ZCCHC4: variants seen among roughly 807,000 people sequenced by gnomAD.
ZCCHC4 encodes zinc finger CCHC-type containing 4, also known as rRNA N(6)-adenosine-methyltransferase ZCCHC4.
A neutral mutation model predicts 67.7 loss-of-function variants in ZCCHC4; 54 were observed. That is an observed-to-expected ratio of 0.80 (90% CI 0.64 to 1.00). The LOEUF (loss-of-function observed/expected upper bound fraction) is 1.00, where lower values mean the gene tolerates loss of function less well. ZCCHC4 is among the 50% of genes least tolerant of loss of function. The probability of loss-of-function intolerance (pLI) is 0.00; values close to 1 mark genes in which losing one functional copy is unlikely to be tolerated. For synonymous variants in ZCCHC4, 198 were observed against 213.5 expected, an observed-to-expected ratio of 0.93 and a Z score of 0.63; for missense variants, 609 against 617.0, an observed-to-expected ratio of 0.99 and a Z score of 0.14.
At chr4:25,337,101 C>A (rs187768462) in intron 5 of ZCCHC4, among the ~76,000 whole-genome samples, 2 of 152,186 alleles carry the variant, frequency 1.3e-5, no homozygotes, top group Admixed American at 1.3e-4. Context: ...TCCCTGTATC[C>A]TCCTGCCTTG....
rs1720457656 is a variant in ZCCHC4 at position 25,354,920 on chromosome 4, T to G, written c.1011+3231T>G. Among the ~76,000 whole-genome samples, 4 of 150,414 alleles carry G rather than the reference T, an allele frequency of 2.7e-5. No individual in the cohort carries two copies. In the South Asian group the frequency reaches 8.5e-4, roughly 32 times the overall value. On this transcript the variant is annotated intron_variant, in intron 8 of 12. Coordinates refer to ENST00000302874, the MANE Select transcript of ZCCHC4 (RefSeq NM_024936.3). ...TTGATTAGGCCTTTTTTTTTTTTTT[T>G]TTTTTGGACATCACCTGAGATGATT...
At chr4:25,355,188 C>G (rs919869877) in intron 8 of ZCCHC4, among the ~76,000 whole-genome samples, 2 of 152,128 alleles carry the variant, frequency 1.3e-5, no homozygotes, top group African/African-American at 4.8e-5. Flanking sequence ...AAAAGAAACT[C>G]TGATTTCAAG....
intron 3 of ZCCHC4, among the ~76,000 whole-genome samples, chr4:25,327,400 C>T: frequency 8.1e-6 from 1 of 123,310 alleles, no homozygotes; most frequent in Admixed American, 7.7e-5. Flanking sequence ...CTCCCTCCCT[C>T]CTTCCCTCCT....
At chr4:25,346,248 AAAG>A (rs773142735) in intron 6 of ZCCHC4, among the ~76,000 whole-genome samples, 27 of 152,272 alleles carry the variant, frequency 1.8e-4, no homozygotes, top group Admixed American at 8.5e-4. Flanking sequence ...TTAAAAAAAA[AAAG>A]GACTGCAGTT....
intron 8 of ZCCHC4, among the ~76,000 whole-genome samples, chr4:25,353,528 C>A (rs1329146325): frequency 6.6e-6 from 1 of 152,198 alleles, no homozygotes; most frequent in Non-Finnish European, 1.5e-5. Context: ...AAGTTAACTA[C>A]GTAAACGGGT....
intron 12 of ZCCHC4, among the ~76,000 whole-genome samples, chr4:25,368,287 T>C (rs764248942): frequency 6.6e-6 from 1 of 152,178 alleles, no homozygotes; most frequent in Non-Finnish European, 1.5e-5. Flanking sequence ...TCTCAATATG[T>C]TGAGTGTCAT....
intron 5 of ZCCHC4, 127 bp from the exon 6 acceptor site, chr4:25,345,421 A>T: frequency 1.5e-6 from 1 of 653,148 alleles, no homozygotes; most frequent in African/African-American, 1.9e-5. Context: ...TTTGCAAATT[A>T]TTCTTTATTT....
At chr4:25,362,009 A>T (rs563287028) in intron 9 of ZCCHC4, 29 bp downstream of exon 9, 2 of 1,594,138 alleles carry the variant, frequency 1.3e-6, no homozygotes, top group East Asian at 4.5e-5. Context: ...TTTGAAGTAC[A>T]CAAGTCACTG....
At chr4:25,365,728 G>T in intron 12 of ZCCHC4, 3 of 985,186 alleles carry the variant, frequency 3.0e-6, no homozygotes, top group Non-Finnish European at 3.6e-6. Flanking sequence ...ATATTTGATT[G>T]GAGCTATGGA....
intron 3 of ZCCHC4, among the ~76,000 whole-genome samples, chr4:25,329,340 A>G (rs1324582276): frequency 6.6e-6 from 1 of 151,842 alleles, no homozygotes; most frequent in Non-Finnish European, 1.5e-5. Flanking sequence ...CCTCCCCTTT[A>G]TTTTGAGGGC....
Position 25,333,933 on chromosome 4 carries a change from G to A in ZCCHC4, c.631G>A (p.Ala211Thr). 1 of 1,603,684 alleles carries A rather than the reference G, an allele frequency of 6.2e-7. No homozygotes were observed. The highest frequency in any genetic ancestry group is 8.5e-7 in the Non-Finnish European group (1 of 1,177,634). The change falls in exon 5 of 13, where the codon GCA becomes ACA. Residue 211 changes from alanine to threonine, a missense_variant. Transcript: ENST00000302874. Reference protein sequence around the residue: ...PRLHELIKLTASGDKKSNIKS... With the variant: ...PRLHELIKLTTSGDKKSNIKS... Reference sequence around the variant, plus strand: ...GTTGCATGAGCTGATCAAGTTGACAGCATCAGGTGACAAGAAGTCTAACAT... The same window carrying A: ...GTTGCATGAGCTGATCAAGTTGACAACATCAGGTGACAAGAAGTCTAACAT...
intron 11 of ZCCHC4, 100 bp downstream of exon 11, chr4:25,364,605 T>C (rs2109094901): frequency 9.5e-7 from 1 of 1,056,326 alleles, no homozygotes. Flanking sequence ...GAAAAAATAA[T>C]CAGTGTAGAG....
chr4:25,361,723 A>G, intron 8 of ZCCHC4, 136 bp from the exon 9 acceptor site: 2 of 883,418 alleles, frequency 2.3e-6, no homozygotes, highest in Non-Finnish European at 1.7e-6. Context: ...CTCAGCTTGG[A>G]CTGGAACCTG....
At chr4:25,349,709 A>G in intron 7 of ZCCHC4, 67 bp downstream of exon 7, 1 of 1,521,708 alleles carries the variant, frequency 6.6e-7, no homozygotes, top group Non-Finnish European at 9.0e-7. Context: ...ATATTAGCTG[A>G]GCTCAGTGAA....
intron 8 of ZCCHC4, among the ~76,000 whole-genome samples, chr4:25,353,965 T>G (rs1720412254): frequency 6.6e-6 from 1 of 152,190 alleles, no homozygotes; most frequent in South Asian, 2.1e-4. Context: ...AATTGCATAA[T>G]TGTATAAATT....
chr4:25,325,411 G>A (rs896817157), intron 3 of ZCCHC4, among the ~76,000 whole-genome samples: 1 of 151,020 alleles, frequency 6.6e-6, no homozygotes, highest in South Asian at 2.1e-4. Flanking sequence ...GGGATTACAG[G>A]CGTGTGCCAC....
At chr4:25,342,059 G>A (rs1719779821) in intron 5 of ZCCHC4, among the ~76,000 whole-genome samples, 2 of 152,094 alleles carry the variant, frequency 1.3e-5, no homozygotes. Flanking sequence ...AACTGATGGT[G>A]TTTTATTGGG....
intron 8 of ZCCHC4, among the ~76,000 whole-genome samples, chr4:25,358,869 G>A (rs1468671449): frequency 6.6e-6 from 1 of 152,226 alleles, no homozygotes; most frequent in Non-Finnish European, 1.5e-5. Flanking sequence ...TCATGCCCGG[G>A]CTCACTTGCA....
rs1340112398 is a variant in ZCCHC4, at chr4:25,370,313, T to G, written c.*1149T>G. 1 of 152,192 alleles carries G rather than the reference T, an allele frequency of 6.6e-6. No homozygotes were observed. The allele number at this position is 152,192 out of a possible 1,614,324, so 9.4% of individuals were successfully genotyped here. A position where few individuals can be genotyped will look rare whatever the true frequency, so the allele number is the denominator to read the frequency against. ...AAAAGCCCCGGTTTCTTCATTATTA[T>G]CATTATTATAATGGGGAGAATAACA... On this transcript the variant is annotated 3_prime_UTR_variant, in exon 13 of 13. Coordinates refer to ENST00000302874, the MANE Select transcript of ZCCHC4 (RefSeq NM_024936.3).
Sources: allele counts gnomAD v4.1 joint callset (sites outside exome capture counted in the v4.1 genomes callset), GRCh38; gene constraint gnomAD v4.1.1; transcripts MANE v1.5; gene names NCBI Gene and HGNC (gene_info 2026-07-23, HGNC 2026-07-21).